Variants in KIAA1614 observed in about 807,000 individuals in gnomAD.
The protein encoded by KIAA1614 is uncharacterized protein KIAA1614.
Under a neutral mutation model 88.7 loss-of-function variants are expected in KIAA1614, and 76 were observed. The ratio of observed to expected loss-of-function variants is 0.86; its 90% CI spans 0.71 to 1.04. The LOEUF (loss-of-function observed/expected upper bound fraction) is 1.04. Ranked by LOEUF, KIAA1614 falls within the 50% of genes least tolerant of loss-of-function variation. The pLI is 0.00. For synonymous variants in KIAA1614, 714 were observed against 675.5 expected, an observed-to-expected ratio of 1.06 and a Z score of -0.88; for missense variants, 1,553 against 1,582.5, an observed-to-expected ratio of 0.98 and a Z score of 0.32.
intron 3 of KIAA1614, among the ~76,000 whole-genome samples, chr1:180,920,352 G>C (rs1423388275): frequency 6.6e-6 from 1 of 152,226 alleles, no homozygotes; most frequent in East Asian, 1.9e-4. Flanking sequence ...TCGAAGCCAG[G>C]GTCCTGGGGC....
chr1:180,941,165 G>A lies in KIAA1614; in HGVS notation c.3039G>A (p.Leu1013=), dbSNP rs1351708462. The change falls in exon 7 of 9, where the codon CTG becomes CTA. Residue 1013 remains leucine, a synonymous_variant. Coordinates refer to ENST00000367588, the MANE Select transcript of KIAA1614 (RefSeq NM_020950.2). ...GGCTGAAAAAGCTCTTCTCAGCCCTGGGCCAGAGTTCCCGGCCCAAGCTGG... is the reference window on the plus strand; with the variant it reads ...GGCTGAAAAAGCTCTTCTCAGCCCTAGGCCAGAGTTCCCGGCCCAAGCTGG... The part of the protein sequence containing the change: ...TLGLKKLFSA[L]GQSSRPKLGK... The A allele has an allele frequency of 6.2e-7, 1 of 1,613,796 alleles. No homozygotes were observed.
intron 3 of KIAA1614, among the ~76,000 whole-genome samples, chr1:180,921,011 A>G (rs1364698828): frequency 6.6e-6 from 1 of 152,204 alleles, no homozygotes; most frequent in Non-Finnish European, 1.5e-5. Context: ...TCCTAATAAC[A>G]AATTGTATTT....
chr1:180,919,238 A>G (rs1653892356), intron 3 of KIAA1614, among the ~76,000 whole-genome samples: 1 of 152,046 alleles, frequency 6.6e-6, no homozygotes, highest in Non-Finnish European at 1.5e-5. Flanking sequence ...CTGCTTGCCT[A>G]AGGGCCTGAT....
At chr1:180,914,968 A>T (rs1376494970) in intron 1 of KIAA1614, among the ~76,000 whole-genome samples, 1 of 151,574 alleles carries the variant, frequency 6.6e-6, no homozygotes, top group Non-Finnish European at 1.5e-5. Context: ...CGCCTAGCCA[A>T]TTTTTTGTAT....
At chr1:180,921,391 G>T (rs906713029) in intron 3 of KIAA1614, among the ~76,000 whole-genome samples, 2 of 152,206 alleles carry the variant, frequency 1.3e-5, no homozygotes, top group Admixed American at 1.3e-4. Context: ...CGATGGCTTA[G>T]CTTGGGCTCA....
chr1:180,918,007 T>C, intron 3 of KIAA1614, 93 bp downstream of exon 3: 1 of 1,077,602 alleles, frequency 9.3e-7, no homozygotes, highest in East Asian at 2.5e-5. Context: ...CCTCCCAAAG[T>C]GAGAGGGCAG....
At position 180,950,397 on chromosome 1, in the gene KIAA1614, T is replaced by TG; in HGVS notation, c.*4814dup. The TG allele has an allele frequency of 8.1e-7, 1 of 1,235,536 alleles. No individual in the cohort carries two copies. The highest frequency in any genetic ancestry group is 1.0e-6 in the Non-Finnish European group (1 of 960,872). 76.5% of individuals were successfully genotyped at this position (1,235,536 alleles called of 1,614,324 possible). A position where few individuals can be genotyped will look rare whatever the true frequency, so the allele number is the denominator to read the frequency against. ...ATGGCCAAGCTGTACTCAGGGCTGCTGGGGGTGGGCGATGAGATCCTCGAG... is the reference window on the plus strand; with the variant it reads ...ATGGCCAAGCTGTACTCAGGGCTGCTGGGGGGTGGGCGATGAGATCCTCGAG... On this transcript the variant is annotated 3_prime_UTR_variant, in exon 9 of 9. Coordinates refer to ENST00000367588, the MANE Select transcript of KIAA1614 (RefSeq NM_020950.2).
At chr1:180,944,355 T>C in intron 7 of KIAA1614, 34 bp from the exon 8 acceptor site, 4 of 1,606,352 alleles carry the variant, frequency 2.5e-6, no homozygotes, top group Non-Finnish European at 3.4e-6. Flanking sequence ...CCAGGTAGCT[T>C]TTCTCACCCG....
In KIAA1614 at chr1:180,945,727, G is replaced by A. The variant is rs1654576874; in HGVS notation, c.*139G>A. 3 of 1,395,112 alleles carry A rather than the reference G, an allele frequency of 2.2e-6. No homozygotes were observed. The highest frequency in any genetic ancestry group is 1.5e-5 in the African/African-American group (1 of 66,986). 86.4% of individuals were successfully genotyped at this position (1,395,112 alleles called of 1,614,324 possible). On this transcript the variant is annotated 3_prime_UTR_variant, in exon 9 of 9. Coordinates refer to ENST00000367588, the MANE Select transcript of KIAA1614 (RefSeq NM_020950.2). ...TTGCCCTAGGCAACTGCAGCTGAGA[G>A]TGCGTTGGTGGGGAGTGTGCGGGAG... is the stretch of plus-strand genomic sequence containing the variant.
At chr1:180,918,540 G>A (rs184811305) in intron 3 of KIAA1614, among the ~76,000 whole-genome samples, 6 of 152,354 alleles carry the variant, frequency 3.9e-5, no homozygotes, top group African/African-American at 1.2e-4. Context: ...CAAGGTGGGA[G>A]TGGGGCCATC....
At chr1:180,943,608 G>T (rs1184241651) in intron 7 of KIAA1614, among the ~76,000 whole-genome samples, 2 of 120,864 alleles carry the variant, frequency 1.7e-5, no homozygotes, top group South Asian at 3.0e-4. Context: ...GAGTGCAATG[G>T]CATGATTTCA....
Position 180,913,294 on chromosome 1 carries a change from G to A in KIAA1614, c.50+1G>A. ...CCAAACCCGCGGGCGGCAGCCCCCA[G>A]TGAGTATAGAGGAGGCAGCGCCGGG... On this transcript the variant is annotated splice_donor_variant, in intron 1 of 8. Coordinates refer to ENST00000367588, the MANE Select transcript of KIAA1614 (RefSeq NM_020950.2). LOFTEE classifies it high-confidence loss of function. 1 of 1,258,036 alleles carries A rather than the reference G, an allele frequency of 7.9e-7. No individual in the cohort carries two copies. Among genetic ancestry groups the A allele is most frequent in the Middle Eastern group, 3.1e-4 (1 of 3,254 alleles). The allele number at this position is 1,258,036 out of a possible 1,614,324, so 77.9% of individuals were successfully genotyped here.
intron 7 of KIAA1614, among the ~76,000 whole-genome samples, chr1:180,943,027 G>GTTTTTTTTTTT (rs1261396134): frequency 1.4e-3 from 32 of 22,330 alleles, no homozygotes; most frequent in African/African-American, 2.8e-3. Flanking sequence ...TAGTTTTTTG[G>GTTTTTTTTTTT]GTTTTTTTTT....
intron 3 of KIAA1614, among the ~76,000 whole-genome samples, chr1:180,923,219 C>T (rs931348943): frequency 2.6e-5 from 4 of 152,180 alleles, no homozygotes; most frequent in East Asian, 3.9e-4. Flanking sequence ...TTGGCCACTG[C>T]GAGTCAGCTC....
intron 3 of KIAA1614, among the ~76,000 whole-genome samples, chr1:180,922,577 GT>G (rs749070395): frequency 5.3e-5 from 8 of 152,200 alleles, no homozygotes; most frequent in Non-Finnish European, 7.3e-5. Flanking sequence ...TGTGGTTCAA[GT>G]GGTCAGGCCC....
intron 3 of KIAA1614, among the ~76,000 whole-genome samples, chr1:180,925,226 G>T (rs1333587642): frequency 1.3e-5 from 2 of 152,228 alleles, no homozygotes; most frequent in Admixed American, 6.5e-5. Context: ...CCCTCATGGA[G>T]CACATGACCC....
At position 180,916,544 on chromosome 1, in the gene KIAA1614, G is replaced by T. The variant is rs1305009872; in HGVS notation, c.441G>T (p.Leu147=). 1 of 1,613,028 alleles carries T rather than the reference G, an allele frequency of 6.2e-7. No homozygotes were observed. The highest frequency in any genetic ancestry group is 2.2e-5 in the East Asian group (1 of 44,858). The part of the protein sequence containing the change: ...GAVVAPRTQN[L]PDGQLDGSIN... ...TGGTGGCTCCTCGTACCCAAAACCT[G>T]CCTGATGGGCAGCTGGACGGCAGCA... The change falls in exon 2 of 9, where the codon CTG becomes CTT. Residue 147 remains leucine, a synonymous_variant. Transcript: ENST00000367588.
Position 180,913,206 on chromosome 1 carries a change from G to A in KIAA1614, c.-38G>A, listed in dbSNP as rs888228656. The A allele has an allele frequency of 8.0e-7, 1 of 1,251,134 alleles. No homozygotes were observed. The highest frequency in any genetic ancestry group is 1.0e-6 in the Non-Finnish European group (1 of 989,550). The allele number at this position is 1,251,134 out of a possible 1,614,324, so 77.5% of individuals were successfully genotyped here. A position where few individuals can be genotyped will look rare whatever the true frequency, so the allele number is the denominator to read the frequency against. ...CCCGAACCCAGCAGCTGGCCTGGGAGGGAGAAGGGGCTGGAGAGGGCCTGG... is the reference window on the plus strand; with the variant it reads ...CCCGAACCCAGCAGCTGGCCTGGGAAGGAGAAGGGGCTGGAGAGGGCCTGG... On this transcript the variant is annotated 5_prime_UTR_variant, in exon 1 of 9. Transcript: ENST00000367588.
In KIAA1614 at chr1:180,938,675, G is replaced by A. The variant is rs371306181; in HGVS notation, c.2882G>A (p.Arg961Lys). 32 of 1,614,074 alleles carry A rather than the reference G, an allele frequency of 2.0e-5. 1 individual carries two copies. ...SSKESEGSLQ[R>K]TGSGSGGHVL... ...AAGGAATCAGAGGGAAGCCTGCAGA[G>A]GACAGGGTCAGGATCTGGAGGACAT... Residue 961 changes from arginine to lysine, a missense_variant, in exon 6 of 9, where the codon AGG (arginine) becomes AAG (lysine). Transcript: ENST00000367588.
Sources: gnomAD v4.1 joint callset for allele counts (sites outside exome capture counted in the v4.1 genomes callset) on GRCh38, gnomAD v4.1.1 for gene constraint, MANE v1.5 for transcripts, NCBI Gene and HGNC (gene_info 2026-07-23, HGNC 2026-07-21) for gene names.